Variants in GIMAP8 observed in about 807,000 individuals in gnomAD.
GIMAP8 encodes GTPase, IMAP family member 8.
Under a neutral mutation model 35.6 loss-of-function variants are expected in GIMAP8, and 29 were observed. The ratio of observed to expected loss-of-function variants is 0.81; its 90% CI spans 0.61 to 1.11. The LOEUF is 1.11. GIMAP8 is among the 50% of genes most tolerant of loss of function. The probability of loss-of-function intolerance (pLI) is 0.00; values close to 1 mark genes in which losing one functional copy is unlikely to be tolerated. For synonymous variants in GIMAP8, 335 were observed against 308.7 expected, an observed-to-expected ratio of 1.09 and a Z score of -0.89; for missense variants, 811 against 805.0, an observed-to-expected ratio of 1.01 and a Z score of -0.09.
At chr7:150,462,013 G>A (rs902851092) in intron 1 of GIMAP8, among the ~76,000 whole-genome samples, 86 of 152,310 alleles carry the variant, frequency 5.6e-4, no homozygotes, top group African/African-American at 1.7e-3. Context: ...TGGGATAGGC[G>A]GTGGAGTTAG....
At chr7:150,457,110 C>A (rs1563280311) in intron 1 of GIMAP8, among the ~76,000 whole-genome samples, 2 of 152,296 alleles carry the variant, frequency 1.3e-5, no homozygotes, top group East Asian at 3.9e-4. Context: ...TGACAGTAAT[C>A]CCGTGATAAA....
At position 150,451,547 on chromosome 7, in the gene GIMAP8, C is replaced by G. The variant is rs1028478372; in HGVS notation, c.-29+372C>G. On this transcript the variant is annotated intron_variant, in intron 1 of 4. Transcript: ENST00000307271. This position sits in a 1 kb window ranked among gnomAD's most constrained non-coding sequence, Gnocchi z 4.1. ...GTGGCTGTCCTAAAAGAAGGCGTGTCGGGGAGTGGGTGTGAGCCCTGAAGA... is the reference window on the plus strand; with the variant it reads ...GTGGCTGTCCTAAAAGAAGGCGTGTGGGGGAGTGGGTGTGAGCCCTGAAGA... 7.2e-5 allele frequency among the ~76,000 whole-genome samples: 11 copies of G among 151,990 alleles called. No individual in the cohort carries two copies. The highest frequency in any genetic ancestry group is 2.2e-4 in the African/African-American group (9 of 41,362).
chr7:150,477,233 G>A lies in GIMAP8; in HGVS notation c.1451G>A (p.Trp484Ter). 6.2e-7 allele frequency: 1 copy of A among 1,614,086 alleles called. No homozygotes were observed. Among genetic ancestry groups the A allele is most frequent in the Non-Finnish European group, 8.5e-7 (1 of 1,180,020 alleles). ...TKTSQSGRRT[W>*]DGQEVVVVDT... The stretch of plus-strand genomic sequence containing the variant: ...ACCAGCCAGAGTGGCAGGAGGACAT[G>A]GGACGGACAGGAGGTGGTGGTTGTG... The change falls in exon 5 of 5, where the codon TGG becomes TAG. Residue 484 changes from tryptophan (W) to a stop codon, truncating the protein, a stop_gained. Transcript: ENST00000307271. LOFTEE classifies it low-confidence loss of function (END_TRUNC).
chr7:150,463,294 G>A (rs928298072), intron 1 of GIMAP8, among the ~76,000 whole-genome samples: 1 of 151,590 alleles, frequency 6.6e-6, no homozygotes. Context: ...TTATATTGTT[G>A]ATGTTCCTTA....
Position 150,452,675 on chromosome 7 carries a change from G to GATATATATATATAT in GIMAP8, c.-29+1522_-29+1535dup, listed in dbSNP as rs373374121. 6.9e-3 allele frequency among the ~76,000 whole-genome samples: 551 copies of GATATATATATATAT among 79,558 alleles called. 11 individuals carry two copies. The highest frequency in any genetic ancestry group is 8.8e-3 in the African/African-American group (165 of 18,806). The allele number at this position is 79,558 out of a possible 152,430, so 52.2% of individuals were successfully genotyped here. On this transcript the variant is annotated intron_variant, in intron 1 of 4. Transcript: ENST00000307271. Reference sequence around the variant, plus strand: ...TATATGTGTGTGTGTGTGTGTGTGAGATATATATATATATATATATATATA... The same window carrying GATATATATATATAT: ...TATATGTGTGTGTGTGTGTGTGTGAGATATATATATATATATATATATATATATATATATATATA...
Position 150,470,819 on chromosome 7 carries a change from T to C in GIMAP8, c.637-10T>C. The C allele has an allele frequency of 1.3e-6, 2 of 1,589,888 alleles. No individual in the cohort carries two copies. The highest frequency in any genetic ancestry group is 1.7e-6 in the Non-Finnish European group (2 of 1,158,934). On this transcript the variant is annotated splice_polypyrimidine_tract_variant and intron_variant, in intron 2 of 4. Transcript: ENST00000307271. The stretch of plus-strand genomic sequence containing the variant: ...ATCTGTGTGCACTATTTTGTTCCTT[T>C]ATTTTCTAGGATTGTGTGAATGAAG...
chr7:150,464,274 A>G (rs1218333608), intron 1 of GIMAP8, among the ~76,000 whole-genome samples: 1 of 152,202 alleles, frequency 6.6e-6, no homozygotes. Flanking sequence ...ATCATTTTCC[A>G]ATCATCATTT....
intron 1 of GIMAP8, among the ~76,000 whole-genome samples, chr7:150,465,375 C>T (rs1245737178): frequency 2.0e-5 from 3 of 152,172 alleles, no homozygotes; most frequent in African/African-American, 7.2e-5. Context: ...TGGTGTAACC[C>T]TGTGTGGGAA....
rs200346050 is a variant in GIMAP8, at chr7:150,477,140, C to T, written c.1358C>T (p.Ala453Val). 2.1e-5 allele frequency: 34 copies of T among 1,612,862 alleles called. No individual in the cohort carries two copies. Among genetic ancestry groups the T allele is most frequent in the African/African-American group, 2.7e-5 (2 of 74,856 alleles). The change falls in exon 5 of 5, where the codon GCG becomes GTG. Residue 453 changes from alanine (A) to valine (V), a missense_variant. By Grantham distance (64) the Ala-to-Val change is moderately conservative. Coordinates refer to ENST00000307271, the MANE Select transcript of GIMAP8 (RefSeq NM_175571.4). ...GGGAGAAGCGGGACTGGGAAGAGTGCGACCGGGAACTCTATCCTGGGGAGC... is the reference window on the plus strand; with the variant it reads ...GGGAGAAGCGGGACTGGGAAGAGTGTGACCGGGAACTCTATCCTGGGGAGC... ...LVGRSGTGKS[A>V]TGNSILGSLV...
intron 3 of GIMAP8, among the ~76,000 whole-genome samples, 186 bp downstream of exon 3, chr7:150,471,060 G>T (rs1802080174): frequency 6.6e-6 from 1 of 152,156 alleles, no homozygotes; most frequent in African/African-American, 2.4e-5. Flanking sequence ...TATAGCACCA[G>T]CAAAGTTCCT....
intron 1 of GIMAP8, among the ~76,000 whole-genome samples, chr7:150,457,351 T>G (rs1436416322): frequency 6.6e-6 from 1 of 152,242 alleles, no homozygotes; most frequent in Non-Finnish European, 1.5e-5. Context: ...ATAACCATCA[T>G]GAGCATGTCA....
At position 150,467,197 on chromosome 7, in the gene GIMAP8, A is replaced by G. The variant is rs1206394115; in HGVS notation, c.499A>G (p.Ile167Val). 3.1e-6 allele frequency: 5 copies of G among 1,614,228 alleles called. No individual in the cohort carries two copies. The highest frequency in any genetic ancestry group is 4.2e-6 in the Non-Finnish European group (5 of 1,180,042). The change falls in exon 2 of 5, where the codon ATT becomes GTT. Residue 167 changes from isoleucine to valine, a missense_variant. Coordinates refer to ENST00000307271, the MANE Select transcript of GIMAP8 (RefSeq NM_175571.4). ...TCAAGACTATGAGGGCCGATACTGCATTTTCAACAACAAGACCAATAGTAA... is the reference window on the plus strand; with the variant it reads ...TCAAGACTATGAGGGCCGATACTGCGTTTTCAACAACAAGACCAATAGTAA... ...LVQDYEGRYC[I>V]FNNKTNSKDE...
At chr7:150,458,931 C>A (rs1335035462) in intron 1 of GIMAP8, among the ~76,000 whole-genome samples, 2 of 152,168 alleles carry the variant, frequency 1.3e-5, no homozygotes, top group Non-Finnish European at 2.9e-5. Flanking sequence ...CAATTATAAT[C>A]CTCATTCCTG....
rs1802275255 is a variant in GIMAP8 at position 150,477,813 on chromosome 7, A to C, written c.*33A>C. On this transcript the variant is annotated 3_prime_UTR_variant, in exon 5 of 5. Transcript: ENST00000307271. ...AAGTGCCTGGGGTCTCTTCAATTAG[A>C]GACACCCTCAGGTTGGGGGGAGGGG... The C allele has an allele frequency of 6.5e-7, 1 of 1,548,762 alleles. No individual in the cohort carries two copies. The highest frequency in any genetic ancestry group is 8.8e-7 in the Non-Finnish European group (1 of 1,134,182).
In GIMAP8 at chr7:150,476,941, G is replaced by A. The variant is rs1802242049; in HGVS notation, c.1310-151G>A. Reference sequence around the variant, plus strand: ...ACTGGGCCAAGTCATTCCCGTGTTTGGAGATCCCCCTGCTTGGGTGAGAAG... The same window carrying A: ...ACTGGGCCAAGTCATTCCCGTGTTTAGAGATCCCCCTGCTTGGGTGAGAAG... On this transcript the variant is annotated intron_variant, in intron 4 of 4. Transcript: ENST00000307271. 5 of 627,222 alleles carry A rather than the reference G, an allele frequency of 8.0e-6. No individual in the cohort carries two copies. In the South Asian group the frequency reaches 9.9e-5, roughly 12 times the overall value. 38.9% of individuals were successfully genotyped at this position (627,222 alleles called of 1,614,324 possible). A position where few individuals can be genotyped will look rare whatever the true frequency, so the allele number is the denominator to read the frequency against.
At chr7:150,475,528 G>T (rs1447820371) in intron 4 of GIMAP8, among the ~76,000 whole-genome samples, 1 of 152,136 alleles carries the variant, frequency 6.6e-6, no homozygotes, top group Non-Finnish European at 1.5e-5. Context: ...GTGTACTGTT[G>T]CCCAGAGCTT....
In GIMAP8 at chr7:150,466,990, C is replaced by T; in HGVS notation, c.292C>T (p.Leu98Phe). ...CTCTGCTCCCAGCCTCCATGCTCTG[C>T]TCTTGGTAATTGCCATCGGCCATTT... ...ELSAPSLHAL[L>F]LVIAIGHFTR... The change falls in exon 2 of 5, where the codon CTC becomes TTC. Residue 98 changes from leucine to phenylalanine, a missense_variant. Transcript: ENST00000307271. 1 of 1,614,226 alleles carries T rather than the reference C, an allele frequency of 6.2e-7. No homozygotes were observed. Among genetic ancestry groups the T allele is most frequent in the Non-Finnish European group, 8.5e-7 (1 of 1,180,038 alleles).
At chr7:150,454,705 A>C (rs981585943) in intron 1 of GIMAP8, among the ~76,000 whole-genome samples, 2 of 152,246 alleles carry the variant, frequency 1.3e-5, no homozygotes, top group African/African-American at 4.8e-5. Context: ...AATGACAAAT[A>C]GTTTATACAG....
At chr7:150,473,584 CT>C (rs1030230745) in intron 3 of GIMAP8, among the ~76,000 whole-genome samples, 7 of 148,510 alleles carry the variant, frequency 4.7e-5, no homozygotes, top group Non-Finnish European at 7.5e-5. Context: ...CGCTAGTTCA[CT>C]TTTTTTTTAA....
Sources: allele counts gnomAD v4.1 joint callset (sites outside exome capture counted in the v4.1 genomes callset), GRCh38; gene constraint gnomAD v4.1.1; non-coding constraint Gnocchi (gnomAD v3.1); transcripts MANE v1.5; gene names NCBI Gene and HGNC (gene_info 2026-07-23, HGNC 2026-07-21).